The following SPAG17 variants were observed in gnomAD, a reference collection of about 807,000 sequenced individuals.
SPAG17 encodes the protein sperm associated antigen 17, also known as sperm-associated antigen 17.
In SPAG17, 169 loss-of-function variants were observed where a neutral mutation model predicts 273.6. The observed-to-expected ratio is 0.62, with a 90% CI of 0.55 to 0.70. SPAG17 has a LOEUF of 0.70. Among genes scored for constraint, SPAG17 ranks in the 30% least tolerant of loss-of-function variants. The probability of loss-of-function intolerance (pLI) is 0.00; values close to 1 mark genes in which losing one functional copy is unlikely to be tolerated. For missense variants in SPAG17, 2,557 were observed against 2,627.8 expected, an observed-to-expected ratio of 0.97 and a Z score of 0.59; for synonymous variants, 825 against 873.2, an observed-to-expected ratio of 0.94 and a Z score of 0.97.
intron 6 of SPAG17, among the ~76,000 whole-genome samples, chr1:118,098,531 A>G (rs1440350611): frequency 1.3e-5 from 2 of 151,908 alleles, no homozygotes; most frequent in Non-Finnish European, 2.9e-5. Flanking sequence ...ATATTTTTAC[A>G]GAGAGACTGT....
chr1:118,030,936 T>C (rs1035018873), intron 25 of SPAG17, among the ~76,000 whole-genome samples: 1 of 152,214 alleles, frequency 6.6e-6, no homozygotes, highest in Non-Finnish European at 1.5e-5. Flanking sequence ...GAATGATTTA[T>C]AATCCTTTGG....
chr1:118,093,401 A>T (rs1488444687), intron 7 of SPAG17, 84 bp from the exon 8 acceptor site: 2 of 1,343,700 alleles, frequency 1.5e-6, no homozygotes, highest in Middle Eastern at 2.6e-4. Flanking sequence ...CTTAACAGTT[A>T]TGCCCATCAA....
chr1:118,142,236 T>C (rs1394238773), intron 3 of SPAG17, among the ~76,000 whole-genome samples: 2 of 152,210 alleles, frequency 1.3e-5, no homozygotes, highest in Admixed American at 6.5e-5. Context: ...AGACAAATAC[T>C]ATATGATTCC....
At chr1:118,082,362 G>GA (rs1050295359) in intron 13 of SPAG17, among the ~76,000 whole-genome samples, 2 of 151,928 alleles carry the variant, frequency 1.3e-5, no homozygotes, top group South Asian at 2.1e-4. Flanking sequence ...AATTCAATCA[G>GA]AAAAAAATAA....
chr1:118,059,557 C>T lies in SPAG17; in HGVS notation c.2541-3643G>A, dbSNP rs955505716. ...CCTAGTGCTATTGTATTACTGTTTA[C>T]TCCTCCTTTAGTTCTGTTAATATTT... On this transcript the variant is annotated intron_variant, in intron 18 of 48. Coordinates refer to ENST00000336338, the MANE Select transcript of SPAG17 (RefSeq NM_206996.4). 2.9e-4 allele frequency among the ~76,000 whole-genome samples: 44 copies of T among 152,088 alleles called. 1 individual carries two copies. The highest frequency in any genetic ancestry group is 9.6e-4 in the African/African-American group (40 of 41,502).
At chr1:118,130,050 C>A (rs1427813503) in intron 3 of SPAG17, among the ~76,000 whole-genome samples, 2 of 152,246 alleles carry the variant, frequency 1.3e-5, no homozygotes, top group Admixed American at 6.5e-5. Context: ...TTGTTAATTT[C>A]TAAGTATTAA....
At position 118,097,896 on chromosome 1, in the gene SPAG17, T is replaced by C. The variant is rs752551419; in HGVS notation, c.830-45A>G. On this transcript the variant is annotated intron_variant, in intron 6 of 48. Coordinates refer to ENST00000336338, the MANE Select transcript of SPAG17 (RefSeq NM_206996.4). ...TATATTACCAAATGAGAGTGTTAAA[T>C]GTTTTCCCACTTTAAGTGAACATGG... The C allele has an allele frequency of 8.7e-6, 12 of 1,386,782 alleles. No individual in the cohort carries two copies. In the East Asian group the frequency reaches 2.6e-4, roughly 30 times the overall value. 85.9% of individuals were successfully genotyped at this position (1,386,782 alleles called of 1,614,324 possible).
At chr1:117,994,563 C>T (rs747712036) in intron 34 of SPAG17, 33 bp from the exon 35 acceptor site, 14 of 1,584,936 alleles carry the variant, frequency 8.8e-6, no homozygotes, top group East Asian at 2.3e-5. Context: ...AAGACCATTA[C>T]CCATTGAAAG....
chr1:118,132,958 AGATAGGGTT>A (rs1658137628), intron 3 of SPAG17, among the ~76,000 whole-genome samples: 1 of 151,836 alleles, frequency 6.6e-6, no homozygotes, highest in Non-Finnish European at 1.5e-5. Flanking sequence ...TTTTTAGTAG[AGATAGGGTT>A]TCACTATGTT....
At chr1:118,148,298 G>T (rs983888782) in intron 3 of SPAG17, among the ~76,000 whole-genome samples, 3 of 152,170 alleles carry the variant, frequency 2.0e-5, no homozygotes, top group Non-Finnish European at 4.4e-5. Context: ...TGGTGTTACA[G>T]CTCTTAAAGT....
At chr1:118,040,446 GTTACTA>G (rs538808316) in intron 22 of SPAG17, among the ~76,000 whole-genome samples, 182 of 152,206 alleles carry the variant, frequency 1.2e-3, no homozygotes, top group Admixed American at 2.1e-3. Context: ...GCTTATTGCA[GTTACTA>G]TTACTATTTA....
intron 3 of SPAG17, among the ~76,000 whole-genome samples, chr1:118,128,246 A>G (rs1257016442): frequency 1.3e-5 from 2 of 151,956 alleles, no homozygotes; most frequent in African/African-American, 2.4e-5. Flanking sequence ...TGATTTTTGT[A>G]TGTTGATTTT....
chr1:117,954,200 A>C, intron 48 of SPAG17, 151 bp from the exon 49 acceptor site: 1 of 966,220 alleles, frequency 1.0e-6, no homozygotes, highest in Non-Finnish European at 1.5e-6. Flanking sequence ...GATATGCAAT[A>C]AATGGAATAG....
chr1:118,010,350 A>G (rs1301507789), intron 30 of SPAG17, among the ~76,000 whole-genome samples: 2 of 152,116 alleles, frequency 1.3e-5, no homozygotes, highest in Non-Finnish European at 2.9e-5. Context: ...TACTTGTACC[A>G]AAACAGCAAA....
intron 29 of SPAG17, among the ~76,000 whole-genome samples, chr1:118,015,588 G>T (rs1020131801): frequency 6.6e-6 from 1 of 152,078 alleles, no homozygotes; most frequent in African/African-American, 2.4e-5. Flanking sequence ...CTCACTTCCA[G>T]AAGATAAGAC....
intron 4 of SPAG17, among the ~76,000 whole-genome samples, chr1:118,108,633 C>T (rs535688152): frequency 6.6e-6 from 1 of 151,888 alleles, no homozygotes; most frequent in Admixed American, 6.6e-5. Flanking sequence ...CAAAAAGTGC[C>T]TCTCTCCACG....
At chr1:118,043,547 A>C (rs540376220) in intron 20 of SPAG17, among the ~76,000 whole-genome samples, 50 of 152,322 alleles carry the variant, frequency 3.3e-4, no homozygotes, top group African/African-American at 1.1e-3. Flanking sequence ...ATTTATGTCA[A>C]TTGTAATGGT....
chr1:117,958,815 T>A, intron 48 of SPAG17: 1 of 846,390 alleles, frequency 1.2e-6, no homozygotes, highest in South Asian at 2.0e-5. Context: ...TATATTTTGT[T>A]GTTGCTTTGA....
chr1:117,984,680 T>C lies in SPAG17; in HGVS notation c.5769+3A>G. On this transcript the variant is annotated splice_donor_region_variant and intron_variant, in intron 41 of 48. Transcript: ENST00000336338. ...TAGATTATAGTTCATTATATTCAAT[T>C]ACCTGAGACTGATATAACTGGTTCA... is the stretch of plus-strand genomic sequence containing the variant. 1.9e-6 allele frequency: 3 copies of C among 1,558,482 alleles called. No individual in the cohort carries two copies. The highest frequency in any genetic ancestry group is 2.6e-6 in the Non-Finnish European group (3 of 1,136,848).
Sources: gnomAD v4.1 joint callset for allele counts (sites outside exome capture counted in the v4.1 genomes callset) on GRCh38, gnomAD v4.1.1 for gene constraint, MANE v1.5 for transcripts, NCBI Gene and HGNC (gene_info 2026-07-23, HGNC 2026-07-21) for gene names.